Variants in SCD5 observed in about 807,000 individuals in gnomAD.
SCD5 encodes stearoyl-CoA desaturase 5.
A neutral mutation model predicts 30.4 loss-of-function variants in SCD5; 20 were observed. The observed-to-expected ratio is 0.66, with a 90% CI of 0.46 to 0.96. The LOEUF is 0.96. Ranked by LOEUF, SCD5 falls within the 40% of genes least tolerant of loss-of-function variation. The pLI is 0.00. For missense variants in SCD5, 381 were observed against 443.3 expected (o/e 0.86, Z 1.26); for synonymous variants, 173 against 176.4 (o/e 0.98, Z 0.16).
intron 3 of SCD5, among the ~76,000 whole-genome samples, chr4:82,643,986 T>C (rs1216603665): frequency 6.6e-6 from 1 of 152,186 alleles, no homozygotes; most frequent in East Asian, 1.9e-4. Context: ...GTGTCTTACT[T>C]TGAGATGCAA....
In SCD5 at chr4:82,798,080, T is replaced by TGGGGC. The variant is rs1436762424; in HGVS notation, c.232+225_232+226insGCCCC. Among the ~76,000 whole-genome samples the TGGGGC allele has an allele frequency of 1.3e-3, 34 of 25,806 alleles. 1 individual carries two copies. The highest frequency in any genetic ancestry group is 2.8e-3 in the African/African-American group (27 of 9,630). 16.9% of individuals were successfully genotyped at this position (25,806 alleles called of 152,430 possible). A position where few individuals can be genotyped will look rare whatever the true frequency, so the allele number is the denominator to read the frequency against. On this transcript the variant is annotated intron_variant, in intron 1 of 4. Coordinates refer to ENST00000319540, the MANE Select transcript of SCD5 (RefSeq NM_001037582.3). ...CTTCCTCAGGCAGACCGCGGCGGGG[T>TGGGGC]GGGGGCGGGGGGGGGGCGGAAGTTG...
chr4:82,694,663 A>T (rs1478773348), intron 2 of SCD5, among the ~76,000 whole-genome samples: 2 of 152,132 alleles, frequency 1.3e-5, no homozygotes, highest in Non-Finnish European at 1.5e-5. Context: ...AACTCTGCAG[A>T]TCCAGAAAAA....
At chr4:82,671,600 A>G (rs572271350) in intron 3 of SCD5, among the ~76,000 whole-genome samples, 188 of 152,360 alleles carry the variant, frequency 1.2e-3, no homozygotes, top group African/African-American at 4.0e-3. Flanking sequence ...ACTGGAGGCC[A>G]GGCACAGTGG....
intron 1 of SCD5, among the ~76,000 whole-genome samples, chr4:82,707,179 A>C (rs1011007580): frequency 3.3e-5 from 5 of 152,240 alleles, no homozygotes; most frequent in African/African-American, 1.2e-4. Context: ...TGAGGAGATA[A>C]AAGGAGTAAT....
intron 3 of SCD5, among the ~76,000 whole-genome samples, chr4:82,643,159 T>C (rs368800284): frequency 1.5e-4 from 23 of 152,278 alleles, no homozygotes; most frequent in East Asian, 7.7e-4. Flanking sequence ...CAGGTACTGA[T>C]GGAGGAATGT....
intron 3 of SCD5, among the ~76,000 whole-genome samples, chr4:82,674,337 T>C (rs897677935): frequency 6.6e-6 from 1 of 152,134 alleles, no homozygotes; most frequent in African/African-American, 2.4e-5. Flanking sequence ...ACCAAAGATC[T>C]TGACAAACAT....
At chr4:82,679,745 G>T (rs1375659078) in intron 3 of SCD5, among the ~76,000 whole-genome samples, 1 of 152,136 alleles carries the variant, frequency 6.6e-6, no homozygotes, top group South Asian at 2.1e-4. Flanking sequence ...AAAAGGAGAG[G>T]CTTTGGGGGG....
chr4:82,652,940 CTCAGGAGT>C (rs1727787505), intron 3 of SCD5, among the ~76,000 whole-genome samples: 1 of 152,062 alleles, frequency 6.6e-6, no homozygotes, highest in Non-Finnish European at 1.5e-5. Flanking sequence ...ATCCCTTGAG[CTCAGGAGT>C]TCAAGACCAG....
At chr4:82,767,236 G>C (rs567236407) in intron 1 of SCD5, among the ~76,000 whole-genome samples, 7,703 of 150,040 alleles carry the variant, frequency 0.051, 258 homozygotes, top group Middle Eastern at 0.092. Flanking sequence ...TTTTCCCTCT[G>C]TCTCTCTCTC....
chr4:82,630,550 G>A lies in SCD5; in HGVS notation c.*777C>T, dbSNP rs566719462. 1 of 152,288 alleles carries A rather than the reference G, an allele frequency of 6.6e-6. No homozygotes were observed. Among genetic ancestry groups the A allele is most frequent in the Admixed American group, 6.5e-5 (1 of 15,300 alleles). The allele number at this position is 152,288 out of a possible 1,614,324, so 9.4% of individuals were successfully genotyped here. A position where few individuals can be genotyped will look rare whatever the true frequency, so the allele number is the denominator to read the frequency against. On this transcript the variant is annotated 3_prime_UTR_variant, in exon 5 of 5. Transcript: ENST00000319540. ...ATATTACTTTCCTTCATCCTGTCAG[G>A]GTTAGCATCATGTTCAAGCACATGA... is the stretch of plus-strand genomic sequence containing the variant.
At chr4:82,724,029 C>T (rs1720423572) in intron 1 of SCD5, among the ~76,000 whole-genome samples, 1 of 152,144 alleles carries the variant, frequency 6.6e-6, no homozygotes, top group South Asian at 2.1e-4. Flanking sequence ...GCCACAACAT[C>T]TGCAACTTAC....
intron 1 of SCD5, among the ~76,000 whole-genome samples, chr4:82,720,595 G>C (rs934991703): frequency 6.6e-6 from 1 of 152,032 alleles, no homozygotes; most frequent in Non-Finnish European, 1.5e-5. Flanking sequence ...GTTAGAGGGG[G>C]AAATCACCCT....
intron 1 of SCD5, among the ~76,000 whole-genome samples, chr4:82,738,425 A>T (rs922916260): frequency 6.6e-6 from 1 of 152,272 alleles, no homozygotes; most frequent in Non-Finnish European, 1.5e-5. Context: ...CGTTTAAAAA[A>T]AAAGTTATCA....
rs536798252 is a variant in SCD5 at position 82,634,408 on chromosome 4, C to T, written c.802+2183G>A. ...ATGTTTAAAGGATTTCGCTCTATAA[C>T]GAGTACCTCAAGATGGATCCATCTG... On this transcript the variant is annotated intron_variant, in intron 4 of 4. Coordinates refer to ENST00000319540, the MANE Select transcript of SCD5 (RefSeq NM_001037582.3). 5.9e-4 allele frequency among the ~76,000 whole-genome samples: 90 copies of T among 152,258 alleles called. 1 individual carries two copies. Among genetic ancestry groups the T allele is most frequent in the Non-Finnish European group, 1.1e-3 (72 of 68,028 alleles).
At chr4:82,637,006 G>A (rs942773831) in intron 3 of SCD5, among the ~76,000 whole-genome samples, 183 bp from the exon 4 acceptor site, 1 of 152,190 alleles carries the variant, frequency 6.6e-6, no homozygotes, top group Non-Finnish European at 1.5e-5. Context: ...ACCTGCAAGG[G>A]CTAGGCAGGT....
intron 2 of SCD5, among the ~76,000 whole-genome samples, chr4:82,696,419 T>C (rs1437153683): frequency 6.6e-6 from 1 of 152,178 alleles, no homozygotes; most frequent in Non-Finnish European, 1.5e-5. Flanking sequence ...AACAATTCAA[T>C]ATCTAATAAA....
intron 3 of SCD5, among the ~76,000 whole-genome samples, chr4:82,661,430 A>G (rs1728005553): frequency 1.3e-5 from 2 of 152,266 alleles, no homozygotes; most frequent in Non-Finnish European, 2.9e-5. Context: ...CATTGCTGTC[A>G]GCAGTTTGCA....
At chr4:82,773,760 G>A (rs1721678625) in intron 1 of SCD5, among the ~76,000 whole-genome samples, 1 of 152,154 alleles carries the variant, frequency 6.6e-6, no homozygotes, top group Non-Finnish European at 1.5e-5. Flanking sequence ...CCTCTTGGGG[G>A]TGAGGGCTCA....
intron 1 of SCD5, among the ~76,000 whole-genome samples, chr4:82,769,420 C>G (rs540986599): frequency 6.6e-6 from 1 of 152,170 alleles, no homozygotes; most frequent in East Asian, 1.9e-4. Flanking sequence ...TTCCAGAGTC[C>G]ATAATGTTTC....
Sources: gnomAD v4.1 joint callset for allele counts (sites outside exome capture counted in the v4.1 genomes callset) on GRCh38, gnomAD v4.1.1 for gene constraint, MANE v1.5 for transcripts, NCBI Gene and HGNC (gene_info 2026-07-23, HGNC 2026-07-21) for gene names.